The following PIK3C2G variants were observed in gnomAD, a reference collection of about 807,000 sequenced individuals.
PIK3C2G encodes phosphatidylinositol-4-phosphate 3-kinase catalytic subunit type 2 gamma, also known as phosphatidylinositol 3-kinase C2 domain-containing subunit gamma.
In PIK3C2G, 168 loss-of-function variants were observed where a neutral mutation model predicts 181.1. The ratio of observed to expected loss-of-function variants is 0.93; its 90% confidence interval spans 0.82 to 1.05. PIK3C2G has a LOEUF of 1.05. PIK3C2G is among the 50% of genes least tolerant of loss of function. The pLI, the probability that PIK3C2G is intolerant of heterozygous loss-of-function variation, is 0.00. For synonymous variants in PIK3C2G, 573 were observed against 592.2 expected (o/e 0.97, Z 0.47); for missense variants, 1,869 against 1,732.8 (o/e 1.08, Z -1.40).
At chr12:18,293,770 T>C in intron 4 of PIK3C2G, 131 bp from the exon 5 acceptor site, 1 of 622,166 alleles carries the variant, frequency 1.6e-6, no homozygotes, top group South Asian at 1.9e-5. Flanking sequence ...AATCTCAATT[T>C]AATTCCCCTT....
chr12:18,531,638 C>T (rs1943559898), intron 24 of PIK3C2G, among the ~76,000 whole-genome samples: 1 of 152,124 alleles, frequency 6.6e-6, no homozygotes, highest in Admixed American at 6.6e-5. Context: ...ATGCAGTATG[C>T]AATTTTTATT....
chr12:18,570,353 C>T lies in PIK3C2G; in HGVS notation c.4011+3296C>T, dbSNP rs780034826. On this transcript the variant is annotated intron_variant, in intron 29 of 32. Transcript: ENST00000538779. ...CCTCCCCAGTAGCTGGGATTACAGG[C>T]GCCCACCACCACACCCAGCCTATTT... Among the ~76,000 whole-genome samples the T allele has an allele frequency of 1.3e-4, 20 of 150,956 alleles. 1 individual carries two copies. The highest frequency in any genetic ancestry group is 2.5e-4 in the African/African-American group (10 of 40,544).
intron 1 of PIK3C2G, among the ~76,000 whole-genome samples, chr12:18,281,614 C>T (rs1949221514): frequency 6.6e-6 from 1 of 151,904 alleles, no homozygotes; most frequent in Non-Finnish European, 1.5e-5. Context: ...GGGGTAATTG[C>T]TGGTCAAGAA....
At chr12:18,260,589 A>T (rs1206458110), upstream of PIK3C2G, among the ~76,000 whole-genome samples, 1 of 152,094 alleles carries the variant, frequency 6.6e-6, no homozygotes, top group Non-Finnish European at 1.5e-5. Flanking sequence ...AGTAGCCCTG[A>T]AAGTGATATA....
At chr12:18,559,271 A>G (rs1470960795) in intron 26 of PIK3C2G, among the ~76,000 whole-genome samples, 1 of 152,214 alleles carries the variant, frequency 6.6e-6, no homozygotes, top group Non-Finnish European at 1.5e-5. Flanking sequence ...GGATAGCAAA[A>G]TCCAAAAGCT....
intron 31 of PIK3C2G, among the ~76,000 whole-genome samples, chr12:18,620,157 C>T (rs1948786665): frequency 6.6e-6 from 1 of 152,094 alleles, no homozygotes; most frequent in South Asian, 2.1e-4. Context: ...TCAATTAAGT[C>T]ACATTGATTA....
intron 18 of PIK3C2G, among the ~76,000 whole-genome samples, chr12:18,477,633 C>CT (rs1196932372): frequency 1.3e-5 from 2 of 152,150 alleles, no homozygotes; most frequent in Non-Finnish European, 2.9e-5. Context: ...GGGACAAGTT[C>CT]TTTTATGACA....
chr12:18,542,824 G>T (rs1338757261), intron 25 of PIK3C2G, among the ~76,000 whole-genome samples: 1 of 151,890 alleles, frequency 6.6e-6, no homozygotes, highest in Admixed American at 6.6e-5. Context: ...GGGCATTTAG[G>T]TTGATTCCAT....
the PIK3C2G span, among the ~76,000 whole-genome samples, chr12:18,677,201 C>T: frequency 1.3e-5 from 2 of 152,032 alleles, no homozygotes; most frequent in South Asian, 2.1e-4. Context: ...CTGCTTGCCA[C>T]AATATGATGC....
In PIK3C2G at chr12:18,314,020, C is replaced by T. The variant is rs1476973395; in HGVS notation, c.1093C>T (p.His365Tyr). Reference sequence around the variant, plus strand: ...AAAAGATAAATCTGTTATTCAGCTCCACCTGCAGAAAAGTAGGGAAGCTCC... The same window carrying T: ...AAAAGATAAATCTGTTATTCAGCTCTACCTGCAGAAAAGTAGGGAAGCTCC... ...FQKDKSVIQL[H>Y]LQKSREAPGK... Residue 365 changes from histidine (H) to tyrosine (Y), a missense_variant, in exon 6 of 33, where the codon CAC becomes TAC. By Grantham distance (83) the His-to-Tyr change is moderately conservative (BLOSUM62 2). Coordinates refer to ENST00000538779, the MANE Select transcript of PIK3C2G (RefSeq NM_001288772.2). 3 of 1,590,244 alleles carry T rather than the reference C, an allele frequency of 1.9e-6. No individual in the cohort carries two copies. Among genetic ancestry groups the T allele is most frequent in the South Asian group, 1.2e-5 (1 of 86,844 alleles).
At chr12:18,694,194 C>T in the PIK3C2G span, 1 of 639,744 alleles carries the variant, frequency 1.6e-6, no homozygotes, top group Non-Finnish European at 2.8e-6. Context: ...TCTCTGTTCC[C>T]ATTGATTTTT....
At chr12:18,515,750 A>T (rs964258500) in intron 24 of PIK3C2G, among the ~76,000 whole-genome samples, 4 of 151,640 alleles carry the variant, frequency 2.6e-5, no homozygotes, top group African/African-American at 9.7e-5. Context: ...CCTTCCACTA[A>T]TTTGGGGCTT....
At chr12:18,697,651 G>A in the PIK3C2G span, among the ~76,000 whole-genome samples, 1 of 152,090 alleles carries the variant, frequency 6.6e-6, no homozygotes. Flanking sequence ...GATAACCACT[G>A]ATAACTCCTT....
At chr12:18,659,283 C>T in the PIK3C2G span, among the ~76,000 whole-genome samples, 1 of 152,154 alleles carries the variant, frequency 6.6e-6, no homozygotes, top group Non-Finnish European at 1.5e-5. Flanking sequence ...TAAATACTAT[C>T]ACTAGTCCCG....
At chr12:18,279,194 G>A (rs574743213) in intron 1 of PIK3C2G, among the ~76,000 whole-genome samples, 2 of 152,006 alleles carry the variant, frequency 1.3e-5, no homozygotes, top group African/African-American at 4.8e-5. Flanking sequence ...ATAAATCTGT[G>A]AACATAAACT....
chr12:18,479,117 C>T (rs1317293491), intron 18 of PIK3C2G, among the ~76,000 whole-genome samples: 2 of 150,778 alleles, frequency 1.3e-5, no homozygotes, highest in Non-Finnish European at 2.9e-5. Context: ...CACATAAATA[C>T]ATATAAAGTA....
At chr12:18,666,786 C>T in the PIK3C2G span, among the ~76,000 whole-genome samples, 3 of 152,142 alleles carry the variant, frequency 2.0e-5, no homozygotes, top group East Asian at 5.8e-4. Context: ...GAAACATTCT[C>T]CAGGATAGAC....
intron 5 of PIK3C2G, among the ~76,000 whole-genome samples, chr12:18,304,034 C>G (rs1565576927): frequency 6.6e-6 from 1 of 151,806 alleles, no homozygotes; most frequent in African/African-American, 2.4e-5. Context: ...GTATTTACCT[C>G]TTTTTTCATC....
the PIK3C2G span, among the ~76,000 whole-genome samples, chr12:18,704,851 T>G: frequency 6.6e-6 from 1 of 152,104 alleles, no homozygotes; most frequent in African/African-American, 2.4e-5. Context: ...TTTGCCACTT[T>G]CTAGGACTTT....
Sources: allele counts gnomAD v4.1 joint callset (sites outside exome capture counted in the v4.1 genomes callset), GRCh38; gene constraint gnomAD v4.1.1; transcripts MANE v1.5; gene names NCBI Gene and HGNC (gene_info 2026-07-23, HGNC 2026-07-21).